The following ZNF800 variants were observed in gnomAD, a reference collection of about 807,000 sequenced individuals.
ZNF800 encodes zinc finger protein 800.
In ZNF800, 13 loss-of-function variants were observed where a neutral mutation model predicts 59.5. The observed-to-expected ratio is 0.22, with a 90% CI of 0.14 to 0.35. The LOEUF is 0.35. Ranked by LOEUF, ZNF800 falls within the 10% of genes least tolerant of loss-of-function variation. ZNF800 has a pLI of 1.00. For missense variants in ZNF800, 621 were observed against 783.7 expected (o/e 0.79, Z 2.48); for synonymous variants, 266 against 265.7 (o/e 1.00, Z -0.01).
downstream of ZNF800, among the ~76,000 whole-genome samples, chr7:127,365,051 G>C (rs1414076480): frequency 6.6e-6 from 1 of 152,074 alleles, no homozygotes; most frequent in African/African-American, 2.4e-5. Flanking sequence ...AAGGCAAGCT[G>C]CATTTCATGG....
At chr7:127,382,118 T>C (rs541401363) in intron 3 of ZNF800, among the ~76,000 whole-genome samples, 1 of 152,316 alleles carries the variant, frequency 6.6e-6, no homozygotes, top group East Asian at 1.9e-4. Flanking sequence ...GAATCTTTTT[T>C]CTACAAATTA....
At chr7:127,369,639 T>C (rs576958630), downstream of ZNF800, among the ~76,000 whole-genome samples, 5 of 152,232 alleles carry the variant, frequency 3.3e-5, no homozygotes, top group African/African-American at 1.2e-4. Flanking sequence ...CTGTCTAATG[T>C]AGGCAAGTAC....
chr7:127,368,998 TAA>T (rs1257250029), downstream of ZNF800, among the ~76,000 whole-genome samples: 2 of 149,186 alleles, frequency 1.3e-5, no homozygotes, highest in Non-Finnish European at 3.0e-5. Flanking sequence ...GTTTTCTTCT[TAA>T]AGAGTAAAGG....
At chr7:127,383,524 T>A (rs1012595256) in intron 3 of ZNF800, among the ~76,000 whole-genome samples, 34 of 151,848 alleles carry the variant, frequency 2.2e-4, no homozygotes, top group Non-Finnish European at 3.1e-4. Context: ...TGCTTAGGAG[T>A]AGAGTGGAAT....
chr7:127,389,988 C>T (rs565135975), intron 2 of ZNF800, among the ~76,000 whole-genome samples: 1 of 152,274 alleles, frequency 6.6e-6, no homozygotes, highest in Non-Finnish European at 1.5e-5. Context: ...TCTCTTCCCA[C>T]TCAAACATTT....
chr7:127,376,972 G>C (rs1800804243), intron 4 of ZNF800, among the ~76,000 whole-genome samples: 1 of 151,828 alleles, frequency 6.6e-6, no homozygotes, highest in African/African-American at 2.4e-5. Flanking sequence ...GAAAACCCAA[G>C]TGGAAAGCAT....
chr7:127,344,319 C>T (rs13239338), downstream of ZNF800, among the ~76,000 whole-genome samples: 2 of 151,868 alleles, frequency 1.3e-5, no homozygotes, highest in African/African-American at 4.8e-5. Context: ...TCTAACAATA[C>T]AATTAATAAA....
rs1352042761 is a variant in ZNF800 at position 127,371,093 on chromosome 7, G to C, written c.*721C>G. 5.9e-5 allele frequency: 9 copies of C among 152,348 alleles called. No homozygotes were observed. The highest frequency in any genetic ancestry group is 2.0e-4 in the Admixed American group (3 of 15,260). 9.4% of individuals were successfully genotyped at this position (152,348 alleles called of 1,614,324 possible). A position where few individuals can be genotyped will look rare whatever the true frequency, so the allele number is the denominator to read the frequency against. ...GTTGCATCTATCATTAAAGTGCTTT[G>C]TATAAAATTTAAAGAAAAATAGGGG... On this transcript the variant is annotated 3_prime_UTR_variant, in exon 6 of 6. Coordinates refer to ENST00000265827, the MANE Select transcript of ZNF800 (RefSeq NM_176814.5).
In ZNF800 at chr7:127,374,851, G is replaced by A. The variant is rs1413466631; in HGVS notation, c.485C>T (p.Thr162Ile). ...NPIEVTESSSTPEQTEVQIQE... is the reference protein window; with the variant it reads ...NPIEVTESSSIPEQTEVQIQE... Reference sequence around the variant, plus strand: ...TATCTGAACTTCGGTTTGTTCAGGAGTACTGCTTGACTCTGTGACTTCAAT... The same window carrying A: ...TATCTGAACTTCGGTTTGTTCAGGAATACTGCTTGACTCTGTGACTTCAAT... The change falls in exon 5 of 6, where the codon ACT (threonine) becomes ATT (isoleucine). Residue 162 changes from threonine to isoleucine, a missense_variant. Thr to Ile is a moderately conservative substitution (Grantham distance 89). Coordinates refer to ENST00000265827, the MANE Select transcript of ZNF800 (RefSeq NM_176814.5). 1 of 1,613,658 alleles carries A rather than the reference G, an allele frequency of 6.2e-7. No individual in the cohort carries two copies. The highest frequency in any genetic ancestry group is 1.3e-5 in the African/African-American group (1 of 74,886).
At chr7:127,350,979 T>A (rs904418333) in intron 1 of ZNF800, among the ~76,000 whole-genome samples, 2 of 152,220 alleles carry the variant, frequency 1.3e-5, no homozygotes, top group African/African-American at 4.8e-5. Flanking sequence ...TCTCCTTTGA[T>A]GACATCAGCA....
At chr7:127,342,929 A>G (rs191650411), downstream of ZNF800, among the ~76,000 whole-genome samples, 1,017 of 152,244 alleles carry the variant, frequency 6.7e-3, 12 homozygotes, top group Middle Eastern at 0.014. Context: ...TTTATTCTTT[A>G]TTAAAAAGAA....
intron 1 of ZNF800, among the ~76,000 whole-genome samples, chr7:127,356,503 T>C (rs1301475962): frequency 6.6e-6 from 1 of 151,980 alleles, no homozygotes; most frequent in East Asian, 1.9e-4. Flanking sequence ...CAAATACACA[T>C]ATCTTCATCA....
At position 127,386,250 on chromosome 7, in the gene ZNF800, C is replaced by T. The variant is rs557705016; in HGVS notation, c.62-95G>A. On this transcript the variant is annotated intron_variant, in intron 2 of 5. Coordinates refer to ENST00000265827, the MANE Select transcript of ZNF800 (RefSeq NM_176814.5). ...GTAAAACAATGGCTTTCTACAATTACATTAAGGATAATCACACTTGTGCCC... is the reference window on the plus strand; with the variant it reads ...GTAAAACAATGGCTTTCTACAATTATATTAAGGATAATCACACTTGTGCCC... The T allele has an allele frequency of 7.1e-4, 487 of 683,680 alleles. 3 individuals are homozygous for T. Among genetic ancestry groups the T allele is most frequent in the Middle Eastern group, 3.2e-3 (13 of 4,048 alleles). The allele number at this position is 683,680 out of a possible 1,614,324, so 42.4% of individuals were successfully genotyped here.
chr7:127,389,585 A>T (rs1164633903), intron 2 of ZNF800, among the ~76,000 whole-genome samples: 3 of 152,196 alleles, frequency 2.0e-5, no homozygotes, highest in African/African-American at 7.2e-5. Flanking sequence ...CTACCCACTC[A>T]GCATATACCT....
downstream of ZNF800, among the ~76,000 whole-genome samples, chr7:127,367,671 G>A (rs573001525): frequency 7.6e-4 from 116 of 152,206 alleles, 1 homozygote; most frequent in Non-Finnish European, 1.3e-3. Context: ...TCAATATTGA[G>A]AAGATAAAAT....
intron 3 of ZNF800, among the ~76,000 whole-genome samples, chr7:127,384,252 T>C (rs1259104608): frequency 7.4e-6 from 1 of 134,766 alleles, no homozygotes; most frequent in African/African-American, 2.8e-5. Flanking sequence ...TTTTTTTTTT[T>C]AGACAGAGTC....
rs17865099 is a variant in ZNF800 at position 127,375,968 on chromosome 7, G to A, written c.302-934C>T. Among the ~76,000 whole-genome samples the A allele has an allele frequency of 4.2e-3, 636 of 151,960 alleles. 5 individuals are homozygous for A. The highest frequency in any genetic ancestry group is 0.015 in the African/African-American group (607 of 41,538). ...TGAGTATTGCGAAGACAAGTACACA[G>A]TAATCTAGCAAATCCATTTACCATT... On this transcript the variant is annotated intron_variant, in intron 4 of 5. Coordinates refer to ENST00000265827, the MANE Select transcript of ZNF800 (RefSeq NM_176814.5).
Position 127,371,677 on chromosome 7 carries a change from T to C in ZNF800, c.*137A>G. On this transcript the variant is annotated 3_prime_UTR_variant, in exon 6 of 6. Coordinates refer to ENST00000265827, the MANE Select transcript of ZNF800 (RefSeq NM_176814.5). ...GTTATTTTAGTCAGAAAACAGCAGT[T>C]ATAGTTGAATATTTAGAAAAATGTT... 1 of 560,178 alleles carries C rather than the reference T, an allele frequency of 1.8e-6. No homozygotes were observed. The highest frequency in any genetic ancestry group is 3.2e-6 in the Non-Finnish European group (1 of 309,704). 34.7% of individuals were successfully genotyped at this position (560,178 alleles called of 1,614,324 possible).
intron 1 of ZNF800, among the ~76,000 whole-genome samples, chr7:127,352,471 A>C (rs1471276808): frequency 6.6e-6 from 1 of 152,226 alleles, no homozygotes; most frequent in Admixed American, 6.5e-5. Flanking sequence ...ATATTGAACA[A>C]TATCTGGTCT....
Sources: gnomAD v4.1 joint callset for allele counts (sites outside exome capture counted in the v4.1 genomes callset) on GRCh38, gnomAD v4.1.1 for gene constraint, MANE v1.5 for transcripts, NCBI Gene and HGNC (gene_info 2026-07-23, HGNC 2026-07-21) for gene names.